Variants in NDUFS8 observed in about 807,000 individuals in gnomAD.
NDUFS8 encodes NADH dehydrogenase [ubiquinone] iron-sulfur protein 8, mitochondrial.
A neutral mutation model predicts 25.6 loss-of-function variants in NDUFS8; 13 were observed. That is an observed-to-expected ratio of 0.51 (90% confidence interval 0.33 to 0.81). NDUFS8 has a LOEUF of 0.81. NDUFS8 is among the 30% of genes least tolerant of loss of function. The probability of loss-of-function intolerance (pLI) is 0.02; values close to 1 mark genes in which losing one functional copy is unlikely to be tolerated. For missense variants in NDUFS8, 257 were observed against 300.9 expected (o/e 0.85, Z 1.08); for synonymous variants, 119 against 119.4 (o/e 1.00, Z 0.02).
rs527983870 is a variant in NDUFS8 at position 68,034,115 on chromosome 11, G to C, written c.372+832G>C. 5 of 154,516 alleles carry C rather than the reference G, an allele frequency of 3.2e-5. No individual in the cohort carries two copies. In the South Asian group the frequency reaches 1.0e-3, roughly 31 times the overall value. 9.6% of individuals were successfully genotyped at this position (154,516 alleles called of 1,614,324 possible). On this transcript the variant is annotated intron_variant, in intron 5 of 6. Coordinates refer to ENST00000313468, the MANE Select transcript of NDUFS8 (RefSeq NM_002496.4). ...CTCCACAACCCCTCGAGGAGGTCGA[G>C]GTTATTGTCTCCATCTTTATAAGCA...
chr11:68,032,701 C>T, intron 3 of NDUFS8: 12 of 790,758 alleles, frequency 1.5e-5, no homozygotes, highest in Non-Finnish European at 2.2e-5. Context: ...GTCTGGGCTC[C>T]AATGGCCACC....
intron 3 of NDUFS8, chr11:68,032,587 A>G: frequency 7.4e-7 from 1 of 1,354,674 alleles, no homozygotes; most frequent in Non-Finnish European, 9.8e-7. Flanking sequence ...GGTGTGAGCC[A>G]TGGGTACCTG....
chr11:68,033,430 G>C (rs1480011673), intron 5 of NDUFS8, 147 bp downstream of exon 5: 1 of 953,222 alleles, frequency 1.0e-6, no homozygotes, highest in South Asian at 1.4e-5. Context: ...CCTCGTGAAT[G>C]GGAATGATGA....
At chr11:68,033,781 TG>T (rs1025183309) in intron 5 of NDUFS8, 1 of 181,042 alleles carries the variant, frequency 5.5e-6, no homozygotes, top group African/African-American at 2.4e-5. Context: ...GTCAGACCCC[TG>T]TGTGTGCCTG....
At chr11:68,032,705 G>A (rs1464607353) in intron 3 of NDUFS8, 1 of 784,612 alleles carries the variant, frequency 1.3e-6, no homozygotes, top group African/African-American at 1.7e-5. Context: ...GGGCTCCAAT[G>A]GCCACCCAAG....
At chr11:68,034,794 G>A (rs1451685324) in intron 5 of NDUFS8, 1 of 151,604 alleles carries the variant, frequency 6.6e-6, no homozygotes, top group Non-Finnish European at 1.5e-5. Flanking sequence ...ATTAGGGCCG[G>A]TTGCGGTGGC....
intron 5 of NDUFS8, chr11:68,034,833 G>A (rs1431889035): frequency 1.3e-5 from 2 of 150,210 alleles, no homozygotes; most frequent in African/African-American, 4.9e-5. Flanking sequence ...CACTTTGGGA[G>A]GCCAAGGTGG....
Position 68,032,831 on chromosome 11 carries a change from C to G in NDUFS8, c.110-92C>G, listed in dbSNP as rs764996050. On this transcript the variant is annotated intron_variant, in intron 3 of 6. Coordinates refer to ENST00000313468, the MANE Select transcript of NDUFS8 (RefSeq NM_002496.4). ...CCCCTTTGTAGCCCAGCAGTTGCAC[C>G]TGGAAGTGAGGGCCAGGCTGCTCTC... is the stretch of plus-strand genomic sequence containing the variant. 3.1e-6 allele frequency: 4 copies of G among 1,278,144 alleles called. No homozygotes were observed. The Admixed American group carries it at 6.9e-5, about 22-fold the overall frequency. 79.2% of individuals were successfully genotyped at this position (1,278,144 alleles called of 1,614,324 possible).
At chr11:68,032,032 G>C (rs1258263338) in intron 1 of NDUFS8, 120 bp from the exon 2 acceptor site, 1 of 1,417,728 alleles carries the variant, frequency 7.1e-7, no homozygotes, top group Non-Finnish European at 9.9e-7. Flanking sequence ...ACAGCAATGG[G>C]GTGCGAGTAG....
chr11:68,033,119 A>G lies in NDUFS8; in HGVS notation c.208A>G (p.Met70Val). ...ACCCGTGCTGCCCACAGGCCTGGGCATGACCCTGAGCTACCTGTTCCGGGA... is the reference window on the plus strand; with the variant it reads ...ACCCGTGCTGCCCACAGGCCTGGGCGTGACCCTGAGCTACCTGTTCCGGGA... The part of the protein sequence containing the change: ...LWTELFRGLG[M>V]TLSYLFREPA... The change falls in exon 5 of 7, where the codon ATG becomes GTG. Residue 70 changes from methionine (M) to valine (V), a missense_variant. Transcript: ENST00000313468. 1 of 1,613,024 alleles carries G rather than the reference A, an allele frequency of 6.2e-7. No individual in the cohort carries two copies. The highest frequency in any genetic ancestry group is 1.7e-5 in the Admixed American group (1 of 60,000).
At chr11:68,031,804 C>T (rs951033813) in intron 1 of NDUFS8, 3 of 413,834 alleles carry the variant, frequency 7.2e-6, no homozygotes, top group Non-Finnish European at 9.1e-6. Flanking sequence ...CTGGCGGGGG[C>T]TGGTAATGTT....
intron 5 of NDUFS8, chr11:68,035,623 C>T (rs945053181): frequency 1.9e-5 from 8 of 422,928 alleles, no homozygotes; most frequent in African/African-American, 8.3e-5. Flanking sequence ...CAGCACTCAC[C>T]GCAGGGTGAG....
chr11:68,034,659 C>G (rs985604975), intron 5 of NDUFS8: 2 of 142,634 alleles, frequency 1.4e-5, no homozygotes, highest in Admixed American at 1.4e-4. Flanking sequence ...CTAAAAATAA[C>G]AAAACTTAGC....
At chr11:68,033,070 G>T (rs1854803601) in intron 4 of NDUFS8, 41 bp from the exon 5 acceptor site, 2 of 1,613,212 alleles carry the variant, frequency 1.2e-6, no homozygotes, top group Non-Finnish European at 1.7e-6. Flanking sequence ...ATGCATGGGG[G>T]AGGAGGGTGC....
Position 68,032,961 on chromosome 11 carries a change from T to G in NDUFS8, c.148T>G (p.Ser50Ala). 1 of 1,613,772 alleles carries G rather than the reference T, an allele frequency of 6.2e-7. No homozygotes were observed. Among genetic ancestry groups the G allele is most frequent in the Non-Finnish European group, 8.5e-7 (1 of 1,179,978 alleles). ...GCAGGATCCCGAGATGGACATGAAG[T>G]CAGTGACTGACCGGGCAGCCCGCAC... is the stretch of plus-strand genomic sequence containing the variant. Reference protein sequence around the residue: ...NMQDPEMDMKSVTDRAARTLL... With the variant: ...NMQDPEMDMKAVTDRAARTLL... Residue 50 changes from serine to alanine, a missense_variant, in exon 4 of 7, where the codon TCA (serine) becomes GCA (alanine). By Grantham distance (99) the Ser-to-Ala change is moderately conservative. Coordinates refer to ENST00000313468, the MANE Select transcript of NDUFS8 (RefSeq NM_002496.4).
intron 5 of NDUFS8, 183 bp from the exon 6 acceptor site, chr11:68,036,070 A>C: frequency 1.4e-6 from 1 of 737,658 alleles, no homozygotes; most frequent in East Asian, 3.2e-5. Context: ...CCAGCAGGGC[A>C]CGTGCTGAGG....
chr11:68,033,507 C>G, intron 5 of NDUFS8: 3 of 649,694 alleles, frequency 4.6e-6, no homozygotes, highest in Non-Finnish European at 2.7e-6. Context: ...GGGCAGGCGC[C>G]TGACACACAG....
chr11:68,033,839 A>C, intron 5 of NDUFS8: 4 of 175,166 alleles, frequency 2.3e-5, no homozygotes, highest in Non-Finnish European at 3.8e-5. Flanking sequence ...GTGCACAGCA[A>C]CCCCTCCCAG....
intron 5 of NDUFS8, 89 bp downstream of exon 5, chr11:68,033,372 G>C (rs1347553189): frequency 2.1e-6 from 3 of 1,455,118 alleles, no homozygotes. Flanking sequence ...CCTAGCCCCT[G>C]CTTGATGTGC....
Sources: gnomAD v4.1 joint callset for allele counts on GRCh38, gnomAD v4.1.1 for gene constraint, MANE v1.5 for transcripts, NCBI Gene and HGNC (gene_info 2026-07-23, HGNC 2026-07-21) for gene names.